Variants in ABCB1 observed in about 807,000 individuals in gnomAD.
ABCB1 encodes ATP binding cassette subfamily B member 1, also known as ATP-dependent translocase ABCB1.
ABCB1 carries 69 observed loss-of-function variants against 142.0 expected under a neutral mutation model. The observed-to-expected ratio is 0.49, with a 90% CI of 0.40 to 0.59. The LOEUF (loss-of-function observed/expected upper bound fraction) is 0.59, where lower values mean the gene tolerates loss of function less well. Ranked by LOEUF, ABCB1 falls within the 20% of genes least tolerant of loss-of-function variation. The pLI is 0.00. For missense variants in ABCB1, 1,326 were observed against 1,554.7 expected (o/e 0.85, Z 2.47); for synonymous variants, 532 against 539.2 (o/e 0.99, Z 0.18).
intron 2 of ABCB1, among the ~76,000 whole-genome samples, chr7:87,598,024 C>T (rs1819278390): frequency 2.0e-5 from 3 of 151,982 alleles, no homozygotes; most frequent in Admixed American, 2.0e-4. Flanking sequence ...ACAGAATGTC[C>T]CACATCTTGG....
chr7:87,534,945 A>AT (rs77385476), intron 20 of ABCB1, among the ~76,000 whole-genome samples: 43,120 of 136,876 alleles, frequency 0.32, 7,312 homozygotes, highest in Non-Finnish European at 0.38. Context: ...AAAAAACTCC[A>AT]TTTTTTTTTC....
At chr7:87,696,658 A>C (rs1828517567) in intron 1 of ABCB1, among the ~76,000 whole-genome samples, 1 of 152,182 alleles carries the variant, frequency 6.6e-6, no homozygotes. Context: ...TCACTTTGGA[A>C]GTGATGCACA....
intron 21 of ABCB1, among the ~76,000 whole-genome samples, chr7:87,530,358 A>G (rs1815981398): frequency 6.6e-6 from 1 of 152,190 alleles, no homozygotes; most frequent in African/African-American, 2.4e-5. Context: ...ACAGAAAGAG[A>G]AACAACTTTG....
upstream of ABCB1, chr7:87,601,219 T>A (rs1819445298): frequency 1.3e-5 from 2 of 152,344 alleles, no homozygotes; most frequent in East Asian, 1.9e-4. Flanking sequence ...TTTCTCGGGA[T>A]TCGCATTTAA....
intron 1 of ABCB1, among the ~76,000 whole-genome samples, chr7:87,678,844 A>G (rs559663114): frequency 1.3e-5 from 2 of 152,334 alleles, no homozygotes; most frequent in East Asian, 3.9e-4. Context: ...GGACATTTAC[A>G]TATTAAAAAG....
In ABCB1 at chr7:87,613,011, G is replaced by GTT. The variant is rs71117545; in HGVS notation, c.-330-11935_-330-11934dup. On this transcript the variant is annotated intron_variant, in intron 1 of 28. Coordinates refer to the ABCB1 transcript ENST00000265724. ...TAAGAATATTCCTAGGTTTTGGTGG[G>GTT]TTTTTTTTTTTTTTTTAATCTATTG... Among the ~76,000 whole-genome samples the GTT allele has an allele frequency of 1.5e-4, 20 of 134,808 alleles. No homozygotes were observed. The South Asian group carries it at 2.8e-3, about 19-fold the overall frequency. The allele number at this position is 134,808 out of a possible 152,430, so 88.4% of individuals were successfully genotyped here. A position where few individuals can be genotyped will look rare whatever the true frequency, so the allele number is the denominator to read the frequency against.
intron 1 of ABCB1, among the ~76,000 whole-genome samples, chr7:87,664,078 G>T (rs1193374336): frequency 6.6e-6 from 1 of 152,062 alleles, no homozygotes; most frequent in Non-Finnish European, 1.5e-5. Flanking sequence ...ATGTGTTGTA[G>T]CTATTGGCTT....
intron 1 of ABCB1, among the ~76,000 whole-genome samples, chr7:87,682,464 G>T (rs1464637523): frequency 6.6e-6 from 1 of 152,166 alleles, no homozygotes; most frequent in East Asian, 1.9e-4. Flanking sequence ...TTTTTCAATA[G>T]TAAGACTTGG....
At chr7:87,677,348 A>C (rs1175200638) in intron 1 of ABCB1, among the ~76,000 whole-genome samples, 1 of 151,864 alleles carries the variant, frequency 6.6e-6, no homozygotes, top group African/African-American at 2.4e-5. Context: ...AAAAAAAAAA[A>C]AAGGAAATCC....
intron 15 of ABCB1, 36 bp downstream of exon 15, chr7:87,545,827 G>C: frequency 6.2e-7 from 1 of 1,604,192 alleles, no homozygotes; most frequent in Admixed American, 1.7e-5. Context: ...GTTTATCACT[G>C]AGATGACTTA....
At chr7:87,593,524 T>C (rs1470057613) in intron 3 of ABCB1, among the ~76,000 whole-genome samples, 1 of 152,244 alleles carries the variant, frequency 6.6e-6, no homozygotes, top group Admixed American at 6.5e-5. Flanking sequence ...AAGGCCTGTA[T>C]ACAAAGGTTG....
intron 1 of ABCB1, chr7:87,628,846 G>T (rs779052957): frequency 4.7e-6 from 6 of 1,267,712 alleles, no homozygotes; most frequent in Admixed American, 3.9e-5. Flanking sequence ...AGCCTGGGGG[G>T]CCTGAGCGGG....
At chr7:87,580,688 G>A (rs1449622474) in intron 4 of ABCB1, among the ~76,000 whole-genome samples, 2 of 152,038 alleles carry the variant, frequency 1.3e-5, no homozygotes, top group Non-Finnish European at 1.5e-5. Flanking sequence ...AATAACTCTT[G>A]GATTTACCCT....
Position 87,660,746 on chromosome 7 carries a change from T to C in ABCB1, c.-331+52415A>G, listed in dbSNP as rs1824619591. Among the ~76,000 whole-genome samples the C allele has an allele frequency of 2.0e-5, 3 of 152,142 alleles. No homozygotes were observed. In the South Asian group the frequency reaches 6.2e-4, roughly 32 times the overall value. On this transcript the variant is annotated intron_variant, in intron 1 of 28. Transcript: ENST00000265724. ...CCAACTACTGCTTTGGCTAAATTTATGTTTGAGTAATGTAATATTTTCATT... is the reference window on the plus strand; with the variant it reads ...CCAACTACTGCTTTGGCTAAATTTACGTTTGAGTAATGTAATATTTTCATT...
At chr7:87,682,398 C>T (rs907950575) in intron 1 of ABCB1, among the ~76,000 whole-genome samples, 4 of 152,082 alleles carry the variant, frequency 2.6e-5, no homozygotes, top group African/African-American at 4.8e-5. Flanking sequence ...ATTTACTTTG[C>T]CCAGATCCAT....
rs60503369 is a variant in ABCB1, at chr7:87,543,175, T to A, written c.2211+954A>T. 4.0e-3 allele frequency among the ~76,000 whole-genome samples: 606 copies of A among 152,104 alleles called. 1 individual carries two copies. The highest frequency in any genetic ancestry group is 0.014 in the African/African-American group (582 of 41,494). Reference sequence around the variant, plus strand: ...CAGGCATGGTGGTGCAGGCCTATAATCCCAGCTACACAGGAGGCTGAGGCA... The same window carrying A: ...CAGGCATGGTGGTGCAGGCCTATAAACCCAGCTACACAGGAGGCTGAGGCA... On this transcript the variant is annotated intron_variant, in intron 17 of 27. Transcript: ENST00000622132.
At chr7:87,700,910 A>T (rs1232522667) in intron 1 of ABCB1, among the ~76,000 whole-genome samples, 1 of 152,260 alleles carries the variant, frequency 6.6e-6, no homozygotes, top group Non-Finnish European at 1.5e-5. Context: ...GAATTAATGC[A>T]GTGACATCAA....
chr7:87,555,286 C>A (rs1450981905), intron 8 of ABCB1, among the ~76,000 whole-genome samples: 1 of 152,156 alleles, frequency 6.6e-6, no homozygotes, highest in East Asian at 1.9e-4. Context: ...GAACCTAGAG[C>A]ATTGCCTTGG....
At chr7:87,644,948 T>G (rs1822833503) in intron 1 of ABCB1, among the ~76,000 whole-genome samples, 1 of 152,106 alleles carries the variant, frequency 6.6e-6, no homozygotes. Flanking sequence ...GGAATTAATG[T>G]AATATGGATG....
Sources: gnomAD v4.1 joint callset for allele counts (sites outside exome capture counted in the v4.1 genomes callset) on GRCh38, gnomAD v4.1.1 for gene constraint, MANE v1.5 for transcripts, NCBI Gene and HGNC (gene_info 2026-07-23, HGNC 2026-07-21) for gene names.